Variants in TMEM200A observed in about 807,000 individuals in gnomAD.
TMEM200A encodes the protein transmembrane protein 200A.
A neutral mutation model predicts 24.3 loss-of-function variants in TMEM200A; 12 were observed. That is an observed-to-expected ratio of 0.49 (90% CI 0.32 to 0.80). The LOEUF (loss-of-function observed/expected upper bound fraction) is 0.80. Among genes scored for constraint, TMEM200A ranks in the 30% least tolerant of loss-of-function variants. The pLI is 0.04. For synonymous variants in TMEM200A, 224 were observed against 224.4 expected (o/e 1.00, Z 0.02); for missense variants, 545 against 614.4 (o/e 0.89, Z 1.19).
At chr6:130,437,186 CCTAA>C (rs1780042577) in intron 2 of TMEM200A, 1 of 152,232 alleles carries the variant, frequency 6.6e-6, no homozygotes, top group African/African-American at 2.4e-5. Context: ...GCCTTACTTA[CCTAA>C]CTGACCTCCT....
intron 1 of TMEM200A, among the ~76,000 whole-genome samples, chr6:130,384,171 T>C (rs1009886207): frequency 1.3e-5 from 2 of 152,142 alleles, no homozygotes; most frequent in Non-Finnish European, 2.9e-5. Flanking sequence ...TTTCTCAACG[T>C]TGTCAGTTGT....
intron 2 of TMEM200A, among the ~76,000 whole-genome samples, chr6:130,412,093 C>T (rs1178542666): frequency 1.5e-5 from 2 of 131,508 alleles, no homozygotes; most frequent in African/African-American, 3.5e-5. Flanking sequence ...TGAACGTTTC[C>T]TTGGCTTTTT....
chr6:130,370,411 A>G (rs1284152454), intron 1 of TMEM200A, among the ~76,000 whole-genome samples: 1 of 152,108 alleles, frequency 6.6e-6, no homozygotes, highest in Non-Finnish European at 1.5e-5. Context: ...TGGGATGAGG[A>G]GGAGGAGGCT....
In TMEM200A at chr6:130,392,820, A is replaced by G. The variant is rs148189880; in HGVS notation, c.-17+7584A>G. On this transcript the variant is annotated intron_variant, in intron 2 of 2. Coordinates refer to ENST00000296978, the MANE Select transcript of TMEM200A (RefSeq NM_001258277.2). ...CCACAATAGCACTTTGTGCACATGTACTTTCTAGCACTTACGATGCATAAC... is the reference window on the plus strand; with the variant it reads ...CCACAATAGCACTTTGTGCACATGTGCTTTCTAGCACTTACGATGCATAAC... 3.5e-4 allele frequency among the ~76,000 whole-genome samples: 54 copies of G among 152,346 alleles called. No individual in the cohort carries two copies. The East Asian group carries it at 9.4e-3, about 27-fold the overall frequency.
In TMEM200A at chr6:130,435,546, G is replaced by T. The variant is rs1358043124; in HGVS notation, c.-16-4861G>T. ...ATTAACAATGTGTACCTAGAAAGAG[G>T]TCTGTAGTGGAATATCACAGAGCTT... On this transcript the variant is annotated intron_variant, in intron 2 of 2. Coordinates refer to ENST00000296978, the MANE Select transcript of TMEM200A (RefSeq NM_001258277.2). 2.6e-5 allele frequency among the ~76,000 whole-genome samples: 4 copies of T among 152,282 alleles called. No homozygotes were observed. The East Asian group carries it at 7.7e-4, about 29-fold the overall frequency.
intron 2 of TMEM200A, among the ~76,000 whole-genome samples, chr6:130,401,434 TTTCC>T (rs66555845): frequency 0.27 from 38,390 of 144,674 alleles, 7,851 homozygotes; most frequent in African/African-American, 0.58. Flanking sequence ...TCTTTCTCTC[TTTCC>T]TTCCTTCCTT....
intron 1 of TMEM200A, among the ~76,000 whole-genome samples, chr6:130,384,194 A>G (rs1270369730): frequency 6.6e-6 from 1 of 152,240 alleles, no homozygotes; most frequent in African/African-American, 2.4e-5. Context: ...TTAGTCTTTT[A>G]TAAGAAATAA....
upstream of TMEM200A, chr6:130,365,965 C>T: frequency 1.0e-6 from 1 of 973,596 alleles, no homozygotes; most frequent in Non-Finnish European, 1.2e-6. Flanking sequence ...CGGCCCCCGC[C>T]CCCAACCCGC....
chr6:130,415,247 T>C (rs1379353364), intron 2 of TMEM200A, among the ~76,000 whole-genome samples: 1 of 152,106 alleles, frequency 6.6e-6, no homozygotes, highest in Non-Finnish European at 1.5e-5. Flanking sequence ...GAAGAAAGGT[T>C]TGACCTCAAA....
chr6:130,369,630 A>T (rs1271129756), intron 1 of TMEM200A, among the ~76,000 whole-genome samples: 1 of 151,996 alleles, frequency 6.6e-6, no homozygotes, highest in Non-Finnish European at 1.5e-5. Flanking sequence ...AATTGATATG[A>T]CTCTTCCAAG....
intron 2 of TMEM200A, among the ~76,000 whole-genome samples, chr6:130,393,742 G>T (rs779716561): frequency 1.3e-5 from 2 of 152,154 alleles, no homozygotes; most frequent in Non-Finnish European, 2.9e-5. Context: ...AGTTTTCTCA[G>T]CACTGTAGAG....
intron 2 of TMEM200A, among the ~76,000 whole-genome samples, chr6:130,420,246 G>A (rs1779551430): frequency 6.6e-6 from 1 of 152,036 alleles, no homozygotes; most frequent in Non-Finnish European, 1.5e-5. Flanking sequence ...ATACCTACTT[G>A]TATCAGTCAG....
At chr6:130,436,751 A>C (rs7768857) in intron 2 of TMEM200A, among the ~76,000 whole-genome samples, 37,200 of 147,734 alleles carry the variant, frequency 0.25, 5,822 homozygotes, top group African/African-American at 0.45. Context: ...GCCTCAATTA[A>C]TCCTCCTGCC....
intron 2 of TMEM200A, among the ~76,000 whole-genome samples, chr6:130,416,077 G>A (rs1185155302): frequency 6.6e-6 from 1 of 151,858 alleles, no homozygotes; most frequent in Non-Finnish European, 1.5e-5. Context: ...TTTCTTAATA[G>A]TATATTGAAT....
At chr6:130,370,899 GC>G (rs1476334024) in intron 1 of TMEM200A, among the ~76,000 whole-genome samples, 1 of 152,190 alleles carries the variant, frequency 6.6e-6, no homozygotes, top group Non-Finnish European at 1.5e-5. Context: ...TGAACAGGGA[GC>G]TGAAGTGATT....
chr6:130,366,179 T>G lies in TMEM200A; in HGVS notation c.-426T>G, dbSNP rs993265258. 3.0e-6 allele frequency: 3 copies of G among 985,044 alleles called. No homozygotes were observed. The highest frequency in any genetic ancestry group is 3.6e-6 in the Non-Finnish European group (3 of 829,774). 61.0% of individuals were successfully genotyped at this position (985,044 alleles called of 1,614,324 possible). On this transcript the variant is annotated 5_prime_UTR_variant, in exon 1 of 3. An upstream start codon of the reference 5' UTR is lost. Transcript: ENST00000296978. This position sits in a 1 kb window ranked among gnomAD's most constrained non-coding sequence, Gnocchi z 4.4. Reference sequence around the variant, plus strand: ...GGCGCGCCTGGACTCTGCGCCCGGATGGCGGCGGCCCTCTGTGAGCACCGG... The same window carrying G: ...GGCGCGCCTGGACTCTGCGCCCGGAGGGCGGCGGCCCTCTGTGAGCACCGG...
chr6:130,419,662 TGAACTA>T (rs1346441586), intron 2 of TMEM200A, among the ~76,000 whole-genome samples: 5 of 152,196 alleles, frequency 3.3e-5, no homozygotes, highest in Non-Finnish European at 5.9e-5. Context: ...TGGCAAAGTA[TGAACTA>T]GAGCTGCAAG....
Position 130,378,386 on chromosome 6 carries a change from ATTCAATGTTCT to A in TMEM200A, c.-80-6785_-80-6775del, listed in dbSNP as rs1778512826. Among the ~76,000 whole-genome samples the A allele has an allele frequency of 2.0e-5, 3 of 151,474 alleles. No individual in the cohort carries two copies. In the South Asian group the frequency reaches 6.3e-4, roughly 32 times the overall value. ...CCTGCCTGATAGGGCCTGAACTCAAATTCAATGTTCTTAGAAATCATGTGGTCATGTGAAAG... is the reference window on the plus strand; with the variant it reads ...CCTGCCTGATAGGGCCTGAACTCAAATAGAAATCATGTGGTCATGTGAAAG... On this transcript the variant is annotated intron_variant, in intron 1 of 2. Transcript: ENST00000296978.
chr6:130,412,599 A>C (rs1364497732), intron 2 of TMEM200A, among the ~76,000 whole-genome samples: 1 of 151,976 alleles, frequency 6.6e-6, no homozygotes, highest in Non-Finnish European at 1.5e-5. Flanking sequence ...TGAATACCCC[A>C]CTAGGGCTAC....
Sources: gnomAD v4.1 joint callset for allele counts (sites outside exome capture counted in the v4.1 genomes callset) on GRCh38, gnomAD v4.1.1 for gene constraint, Gnocchi (gnomAD v3.1) non-coding constraint, MANE v1.5 for transcripts, NCBI Gene and HGNC (gene_info 2026-07-23, HGNC 2026-07-21) for gene names.